EFR3B: variants seen among roughly 807,000 people sequenced by gnomAD.
The protein encoded by EFR3B is protein EFR3 homolog B.
EFR3B carries 64 observed loss-of-function variants against 104.7 expected under a neutral mutation model. The ratio of observed to expected loss-of-function variants is 0.61; its 90% CI spans 0.50 to 0.75. The LOEUF (loss-of-function observed/expected upper bound fraction) is 0.75. Among genes scored for constraint, EFR3B ranks in the 30% least tolerant of loss-of-function variants. The probability of loss-of-function intolerance (pLI) is 0.00; values close to 1 mark genes in which losing one functional copy is unlikely to be tolerated. For missense variants in EFR3B, 750 were observed against 1,078.5 expected, an observed-to-expected ratio of 0.70 and a Z score of 4.27; for synonymous variants, 385 against 417.9, an observed-to-expected ratio of 0.92 and a Z score of 0.96.
chr2:25,125,432 ATTCCTGATCG>A (rs960888982), intron 5 of EFR3B, among the ~76,000 whole-genome samples: 1 of 152,170 alleles, frequency 6.6e-6, no homozygotes, highest in African/African-American at 2.4e-5. Context: ...GCAGGACAGT[ATTCCTGATCG>A]TTCATTCCCA....
intron 1 of EFR3B, among the ~76,000 whole-genome samples, chr2:25,057,423 A>C (rs1040834159): frequency 2.1e-4 from 32 of 152,192 alleles, no homozygotes; most frequent in Admixed American, 1.2e-3. Context: ...AAAAAAAAAA[A>C]CAAAAAACAG....
intron 3 of EFR3B, among the ~76,000 whole-genome samples, chr2:25,095,529 C>G (rs1242610581): frequency 6.6e-6 from 1 of 152,090 alleles, no homozygotes; most frequent in African/African-American, 2.4e-5. Flanking sequence ...AACCTCATCT[C>G]TATCAAAAAT....
chr2:25,121,052 G>A (rs1481093916), intron 4 of EFR3B, among the ~76,000 whole-genome samples: 1 of 152,040 alleles, frequency 6.6e-6, no homozygotes, highest in Non-Finnish European at 1.5e-5. Flanking sequence ...ACAGGTGCCT[G>A]CCACCAAGCC....
rs551032820 is a variant in EFR3B at position 25,136,538 on chromosome 2, C to G, written c.1500C>G (p.Ile500Met). The change falls in exon 14 of 23, where the codon ATC becomes ATG. Residue 500 changes from isoleucine (I) to methionine (M), a missense_variant. Ile to Met is a conservative substitution (Grantham distance 10). Transcript: ENST00000403714. The surrounding 1 kb of genome is among the most constrained non-coding windows in gnomAD (Gnocchi z 4.0). ...KFSTISTLSD[I>M]SVLKLKVDKC... ...CCCTTCCCAGTACCCTCAGTGACATCTCTGTCCTGAAGCTGAAAGTGGACA... is the reference window on the plus strand; with the variant it reads ...CCCTTCCCAGTACCCTCAGTGACATGTCTGTCCTGAAGCTGAAAGTGGACA... 1 of 1,551,552 alleles carries G rather than the reference C, an allele frequency of 6.4e-7. No homozygotes were observed. The highest frequency in any genetic ancestry group is 8.7e-7 in the Non-Finnish European group (1 of 1,146,932).
chr2:25,091,343 G>A lies in EFR3B; in HGVS notation c.26G>A (p.Gly9Asp). The change falls in exon 2 of 23, where the codon GGT (glycine) becomes GAT (aspartate). Residue 9 changes from glycine (G) to aspartate (D), a missense_variant. By Grantham distance (94) the Gly-to-Asp change is moderately conservative (BLOSUM62 -1). Coordinates refer to ENST00000403714, the MANE Select transcript of EFR3B (RefSeq NM_014971.2). ...ATTCCAGGTGTGTGTGGCTGCTGTG[G>A]TGCCCTACGCCCCAGGTACAAAAGG... MYGVCGCCGALRPRYKRLV... is the reference protein window; with the variant it reads MYGVCGCCDALRPRYKRLV... 1 of 1,550,322 alleles carries A rather than the reference G, an allele frequency of 6.5e-7. No individual in the cohort carries two copies. The highest frequency in any genetic ancestry group is 8.7e-7 in the Non-Finnish European group (1 of 1,146,482).
At chr2:25,124,930 C>A (rs1670123695) in intron 5 of EFR3B, among the ~76,000 whole-genome samples, 1 of 151,864 alleles carries the variant, frequency 6.6e-6, no homozygotes, top group Non-Finnish European at 1.5e-5. Flanking sequence ...TGGTAGCGCA[C>A]AACTGTAGTC....
At chr2:25,139,492 C>G (rs943746552) in intron 16 of EFR3B, among the ~76,000 whole-genome samples, 1 of 146,924 alleles carries the variant, frequency 6.8e-6, no homozygotes, top group Non-Finnish European at 1.5e-5. Context: ...CACCCGCACA[C>G]ATGCCTCAGA....
At position 25,137,177 on chromosome 2, in the gene EFR3B, G is replaced by A. The variant is rs1249650772; in HGVS notation, c.1561-164G>A. Among the ~76,000 whole-genome samples the A allele has an allele frequency of 2.6e-5, 4 of 152,120 alleles. No individual in the cohort carries two copies. Among genetic ancestry groups the A allele is most frequent in the Non-Finnish European group, 4.4e-5 (3 of 68,024 alleles). On this transcript the variant is annotated intron_variant, in intron 14 of 22. Coordinates refer to ENST00000403714, the MANE Select transcript of EFR3B (RefSeq NM_014971.2). This position sits in a 1 kb window ranked among gnomAD's most constrained non-coding sequence, Gnocchi z 4.7. ...CTTCCCTACGTGAGCCTTCCTGTGT[G>A]TGTCTGCTTCTGCCAGAGCCCGCTT...
At chr2:25,139,284 C>A in intron 16 of EFR3B, 94 bp downstream of exon 16, 1 of 1,393,704 alleles carries the variant, frequency 7.2e-7, no homozygotes, top group Non-Finnish European at 9.5e-7. Context: ...TGTACCTACA[C>A]TTAGGCAGTG....
intron 3 of EFR3B, among the ~76,000 whole-genome samples, chr2:25,094,282 CAAAA>C (rs11455802): frequency 7.6e-5 from 7 of 91,658 alleles, no homozygotes; most frequent in South Asian, 4.5e-4. Context: ...GAGACTGTCT[CAAAA>C]AAAAAAAAAA....
chr2:25,103,241 A>G (rs1669472177), intron 3 of EFR3B, among the ~76,000 whole-genome samples: 1 of 152,224 alleles, frequency 6.6e-6, no homozygotes, highest in African/African-American at 2.4e-5. Flanking sequence ...GCCTTTCCAC[A>G]GTGGGCACTC....
intron 1 of EFR3B, among the ~76,000 whole-genome samples, chr2:25,064,708 A>G (rs1325799377): frequency 6.6e-6 from 1 of 152,214 alleles, no homozygotes; most frequent in Non-Finnish European, 1.5e-5. Context: ...TCCTACGAGG[A>G]GCCCAGATCA....
At chr2:25,093,280 G>A (rs568463019) in intron 3 of EFR3B, 150 bp downstream of exon 3, 54 of 1,100,552 alleles carry the variant, frequency 4.9e-5, no homozygotes, top group Admixed American at 2.9e-4. Context: ...GGATCACTGA[G>A]GCCAAAAGTT....
In EFR3B at chr2:25,131,859, C is replaced by A; in HGVS notation, c.1095C>A (p.Ile365=). The A allele has an allele frequency of 1.3e-6, 2 of 1,548,544 alleles. No homozygotes were observed. Among genetic ancestry groups the A allele is most frequent in the Non-Finnish European group, 1.7e-6 (2 of 1,146,006 alleles). ...GGGCGGTCAGCCTCGGCACCAAGAT[C>A]ATCAAGGAGCACGAGGAGCGCATGT... ...YDGAVSLGTK[I]IKEHEERMFQ... is the part of the protein sequence containing the mutation. Residue 365 remains isoleucine, a synonymous_variant, in exon 10 of 23, where the codon ATC becomes ATA. Transcript: ENST00000403714. This position sits in a 1 kb window ranked among gnomAD's most constrained non-coding sequence, Gnocchi z 7.6.
intron 5 of EFR3B, among the ~76,000 whole-genome samples, chr2:25,122,899 C>T (rs1389220334): frequency 6.6e-6 from 1 of 152,192 alleles, no homozygotes; most frequent in East Asian, 1.9e-4. Context: ...GCCTGGAGAG[C>T]AGTGGCACTT....
At chr2:25,138,964 T>C in intron 15 of EFR3B, 95 bp from the exon 16 acceptor site, 1 of 1,487,954 alleles carries the variant, frequency 6.7e-7, no homozygotes, top group Non-Finnish European at 9.1e-7. Context: ...AAGCAAGCAT[T>C]TCTAAAGAAG....
chr2:25,060,270 A>T (rs992653141), intron 1 of EFR3B, among the ~76,000 whole-genome samples: 4 of 152,246 alleles, frequency 2.6e-5, no homozygotes, highest in African/African-American at 4.8e-5. Context: ...AAAAGTTTTC[A>T]TACACATGTT....
At chr2:25,069,504 C>T (rs1668431894) in intron 1 of EFR3B, among the ~76,000 whole-genome samples, 1 of 152,222 alleles carries the variant, frequency 6.6e-6, no homozygotes, top group Non-Finnish European at 1.5e-5. Flanking sequence ...TAGAAGAAAA[C>T]AGCCTTATTG....
At chr2:25,062,557 T>TGCCA (rs1668224351) in intron 1 of EFR3B, among the ~76,000 whole-genome samples, 1 of 152,238 alleles carries the variant, frequency 6.6e-6, no homozygotes, top group Non-Finnish European at 1.5e-5. Flanking sequence ...CAAGGGCCTG[T>TGCCA]GCCAGCCCGC....
Sources: gnomAD v4.1 joint callset for allele counts (sites outside exome capture counted in the v4.1 genomes callset) on GRCh38, gnomAD v4.1.1 for gene constraint, Gnocchi (gnomAD v3.1) non-coding constraint, MANE v1.5 for transcripts, NCBI Gene and HGNC (gene_info 2026-07-23, HGNC 2026-07-21) for gene names.